RAPGEF5: variants seen among roughly 807,000 people sequenced by gnomAD.
RAPGEF5 encodes M-Ras-regulated GEF.
In RAPGEF5, 65 loss-of-function variants were observed where a neutral mutation model predicts 125.2. The observed-to-expected ratio is 0.52, with a 90% confidence interval of 0.43 to 0.64. The LOEUF (loss-of-function observed/expected upper bound fraction) is 0.64, where lower values mean the gene tolerates loss of function less well. Ranked by LOEUF, RAPGEF5 falls within the 30% of genes least tolerant of loss-of-function variation. RAPGEF5 has a pLI of 0.00. For missense variants in RAPGEF5, 958 were observed against 1,048.1 expected (o/e 0.91, Z 1.19); for synonymous variants, 391 against 385.9 (o/e 1.01, Z -0.16).
intron 25 of RAPGEF5, chr7:22,125,378 T>C: frequency 2.2e-6 from 1 of 459,868 alleles, no homozygotes; most frequent in Non-Finnish European, 4.0e-6. Flanking sequence ...CAGCATAAAC[T>C]TGCTGCCATG....
chr7:22,167,165 A>G lies in RAPGEF5; in HGVS notation c.1205-17T>C. On this transcript the variant is annotated splice_polypyrimidine_tract_variant and intron_variant, in intron 11 of 25. Coordinates refer to ENST00000665637, the MANE Select transcript of RAPGEF5 (RefSeq NM_012294.5). ...GGAGGGTCTCTGCAAAGAAAAAAAA[A>G]ACAAACACAAGGTAAGCAAAGAGGT... 1 of 1,597,348 alleles carries G rather than the reference A, an allele frequency of 6.3e-7. No homozygotes were observed. The highest frequency in any genetic ancestry group is 1.1e-5 in the South Asian group (1 of 89,522).
intron 25 of RAPGEF5, among the ~76,000 whole-genome samples, chr7:22,124,029 T>C (rs1344398239): frequency 6.6e-6 from 1 of 152,242 alleles, no homozygotes; most frequent in Admixed American, 6.5e-5. Context: ...TTAAAGATAC[T>C]GTATATAAAT....
At chr7:22,125,501 T>C in intron 25 of RAPGEF5, 103 bp downstream of exon 25, 1 of 1,099,864 alleles carries the variant, frequency 9.1e-7, no homozygotes, top group African/African-American at 1.5e-5. Flanking sequence ...ATACATATGA[T>C]ACTTTTCAAT....
intron 9 of RAPGEF5, among the ~76,000 whole-genome samples, chr7:22,199,446 C>A (rs1475585739): frequency 1.4e-5 from 2 of 144,794 alleles, no homozygotes; most frequent in African/African-American, 2.6e-5. Flanking sequence ...CTGCCTCGGG[C>A]CTGATGGGCT....
At chr7:22,271,350 T>C (rs1022169052) in intron 6 of RAPGEF5, among the ~76,000 whole-genome samples, 2 of 152,194 alleles carry the variant, frequency 1.3e-5, no homozygotes, top group Non-Finnish European at 2.9e-5. Flanking sequence ...GCCCCATATT[T>C]CGACCTTCAT....
At chr7:22,341,088 G>A (rs970087170) in intron 1 of RAPGEF5, among the ~76,000 whole-genome samples, 6 of 152,144 alleles carry the variant, frequency 3.9e-5, no homozygotes, top group Non-Finnish European at 8.8e-5. Context: ...TTTTCACACT[G>A]CTGATAAAGA....
At chr7:22,219,783 A>G in intron 9 of RAPGEF5, 83 bp downstream of exon 9, 1 of 1,466,018 alleles carries the variant, frequency 6.8e-7, no homozygotes, top group Non-Finnish European at 9.1e-7. Flanking sequence ...TTAAAATAAA[A>G]TAGTCTTTCG....
intron 7 of RAPGEF5, among the ~76,000 whole-genome samples, chr7:22,244,640 A>T (rs1786429941): frequency 6.6e-6 from 1 of 152,142 alleles, no homozygotes; most frequent in Non-Finnish European, 1.5e-5. Flanking sequence ...TTCATTATAT[A>T]TTACAATGTA....
chr7:22,224,283 A>G (rs1256412609), intron 8 of RAPGEF5, among the ~76,000 whole-genome samples: 1 of 152,130 alleles, frequency 6.6e-6, no homozygotes, highest in African/African-American at 2.4e-5. Flanking sequence ...TGCTCTTTTA[A>G]TCTACACTAA....
At chr7:22,356,239 G>A in intron 1 of RAPGEF5, 2 of 985,418 alleles carry the variant, frequency 2.0e-6, no homozygotes, top group Non-Finnish European at 2.4e-6. Context: ...GGTTCTTGGG[G>A]GCGTGCACCC....
intron 7 of RAPGEF5, among the ~76,000 whole-genome samples, chr7:22,240,813 T>C (rs1229403465): frequency 1.3e-5 from 2 of 152,148 alleles, no homozygotes; most frequent in Non-Finnish European, 2.9e-5. Context: ...CTTAAAAAGA[T>C]CCTAGTGTAC....
chr7:22,276,273 T>C (rs1264177428), intron 6 of RAPGEF5, among the ~76,000 whole-genome samples: 1 of 152,192 alleles, frequency 6.6e-6, no homozygotes, highest in Non-Finnish European at 1.5e-5. Flanking sequence ...TAAATGATTC[T>C]CAGGTGGATT....
chr7:22,158,460 T>C (rs1332520429), intron 14 of RAPGEF5, among the ~76,000 whole-genome samples: 4 of 152,128 alleles, frequency 2.6e-5, no homozygotes, highest in African/African-American at 9.7e-5. Flanking sequence ...TCATACATCA[T>C]TAGGTGAACT....
chr7:22,346,640 A>G (rs1295423955), intron 1 of RAPGEF5, among the ~76,000 whole-genome samples: 1 of 152,206 alleles, frequency 6.6e-6, no homozygotes, highest in Admixed American at 6.5e-5. Context: ...AAATGATTTG[A>G]CAAGGTCAAA....
chr7:22,195,738 GAAAAACAAAAAACAA>G (rs1785133977), intron 9 of RAPGEF5, among the ~76,000 whole-genome samples: 1 of 151,822 alleles, frequency 6.6e-6, no homozygotes, highest in South Asian at 2.1e-4. Flanking sequence ...CCCAAAAAAC[GAAAAACAAAAAACAA>G]AAAAACAAAA....
At chr7:22,201,243 A>G (rs1172427572) in intron 9 of RAPGEF5, among the ~76,000 whole-genome samples, 7 of 152,220 alleles carry the variant, frequency 4.6e-5, no homozygotes, top group African/African-American at 1.7e-4. Context: ...GGTAGGAGGA[A>G]TATCATGACC....
chr7:22,357,001 G>A lies in RAPGEF5; in HGVS notation c.60C>T (p.Ala20=), dbSNP rs985277075. The stretch of plus-strand genomic sequence containing the variant: ...CTGCCGCCACCACCGCCGCCGCGGC[G>A]GCCAGGGCCGGGCTCTCGCACGGCG... ...MQPPCESPAL[A]AAAAVVAADG... Residue 20 remains alanine, a synonymous_variant, in exon 1 of 26, where the codon GCC becomes GCT. Transcript: ENST00000665637. 4.2e-5 allele frequency: 43 copies of A among 1,024,760 alleles called. No homozygotes were observed. Among genetic ancestry groups the A allele is most frequent in the Non-Finnish European group, 5.0e-5 (43 of 857,700 alleles). The allele number at this position is 1,024,760 out of a possible 1,614,324, so 63.5% of individuals were successfully genotyped here.
chr7:22,278,410 G>C (rs9987061), intron 6 of RAPGEF5, among the ~76,000 whole-genome samples: 3 of 151,904 alleles, frequency 2.0e-5, no homozygotes, highest in Non-Finnish European at 4.4e-5. Context: ...TTATACTTAT[G>C]TTAATTTTTA....
intron 7 of RAPGEF5, among the ~76,000 whole-genome samples, chr7:22,248,992 T>A (rs925985430): frequency 6.6e-6 from 1 of 152,122 alleles, no homozygotes; most frequent in Admixed American, 6.5e-5. Flanking sequence ...CAGAAAACAA[T>A]AACAGGATAA....
Sources: gnomAD v4.1 joint callset for allele counts (sites outside exome capture counted in the v4.1 genomes callset) on GRCh38, gnomAD v4.1.1 for gene constraint, MANE v1.5 for transcripts, NCBI Gene and HGNC (gene_info 2026-07-23, HGNC 2026-07-21) for gene names.